The following TNIK variants were observed in gnomAD, a reference collection of about 807,000 sequenced individuals.
The protein encoded by TNIK is TRAF2 and NCK-interacting protein kinase.
Under a neutral mutation model 191.3 loss-of-function variants are expected in TNIK, and 49 were observed. The ratio of observed to expected loss-of-function variants is 0.26; its 90% CI spans 0.20 to 0.32. The LOEUF is 0.32. TNIK is among the 10% of genes least tolerant of loss of function. TNIK has a pLI of 1.00. For missense variants in TNIK, 1,155 were observed against 1,702.3 expected, an observed-to-expected ratio of 0.68 and a Z score of 5.66; for synonymous variants, 594 against 600.9, an observed-to-expected ratio of 0.99 and a Z score of 0.17.
chr3:171,084,383 G>A, intron 25 of TNIK, 58 bp from the exon 26 acceptor site: 1 of 1,553,420 alleles, frequency 6.4e-7, no homozygotes, highest in Non-Finnish European at 8.8e-7. Context: ...TTATGGAGAT[G>A]GGGCTTCAAA....
At chr3:171,185,613 T>G (rs1314182838) in intron 7 of TNIK, among the ~76,000 whole-genome samples, 3 of 152,116 alleles carry the variant, frequency 2.0e-5, no homozygotes, top group African/African-American at 7.2e-5. Flanking sequence ...CACTCCTCCT[T>G]AGGAGAGGGT....
Position 171,362,527 on chromosome 3 carries a change from C to T in TNIK, c.123+7093G>A, listed in dbSNP as rs1056993925. Among the ~76,000 whole-genome samples the T allele has an allele frequency of 8.5e-5, 13 of 152,286 alleles. No individual in the cohort carries two copies. In the East Asian group the frequency reaches 2.5e-3, roughly 29 times the overall value. ...GACATGTGTTTCTAACTTCATTCCT[C>T]TATGAATGTTTCTTTTAGGTCATAA... On this transcript the variant is annotated intron_variant, in intron 2 of 32. Coordinates refer to ENST00000436636, the MANE Select transcript of TNIK (RefSeq NM_015028.4).
intron 1 of TNIK, among the ~76,000 whole-genome samples, chr3:171,459,645 C>T (rs1276487602): frequency 1.3e-5 from 2 of 148,640 alleles, no homozygotes; most frequent in Non-Finnish European, 3.0e-5. Context: ...GGGTCTCGCG[C>T]CTTGGCACCA....
chr3:171,129,614 C>T (rs183667479), intron 15 of TNIK, among the ~76,000 whole-genome samples: 169 of 152,222 alleles, frequency 1.1e-3, no homozygotes, highest in South Asian at 6.4e-3. Context: ...GCTTCTCCTC[C>T]TTTCTCTTCC....
chr3:171,145,895 A>G (rs1436728871), intron 12 of TNIK, among the ~76,000 whole-genome samples: 1 of 152,116 alleles, frequency 6.6e-6, no homozygotes, highest in Non-Finnish European at 1.5e-5. Flanking sequence ...ATGAACTGCA[A>G]TGCCATAAAA....
In TNIK at chr3:171,180,016, G is replaced by A. The variant is rs73882630; in HGVS notation, c.640-2636C>T. ...ATAAGACACAAGTAAGAAGGTGGCAGCCAGGCTCTATGGCCCTAACTGCAA... is the reference window on the plus strand; with the variant it reads ...ATAAGACACAAGTAAGAAGGTGGCAACCAGGCTCTATGGCCCTAACTGCAA... On this transcript the variant is annotated intron_variant, in intron 7 of 32. Coordinates refer to ENST00000436636, the MANE Select transcript of TNIK (RefSeq NM_015028.4). 8.1e-3 allele frequency among the ~76,000 whole-genome samples: 1,230 copies of A among 152,274 alleles called. 29 individuals carry two copies. The highest frequency in any genetic ancestry group is 0.028 in the African/African-American group (1,172 of 41,542).
Position 171,108,052 on chromosome 3 carries a change from G to GA in TNIK, c.2382+12dup. On this transcript the variant is annotated intron_variant, in intron 20 of 32. Transcript: ENST00000436636. ...ATTAAGAGTTCAAAACTCTTGGAGA[G>GA]AAAAGCACTCACAGCTGGTCGACTG... 6.4e-7 allele frequency: 1 copy of GA among 1,555,498 alleles called. No homozygotes were observed. The highest frequency in any genetic ancestry group is 8.7e-7 in the Non-Finnish European group (1 of 1,148,820).
At chr3:171,178,921 C>T (rs1736300082) in intron 7 of TNIK, among the ~76,000 whole-genome samples, 1 of 152,092 alleles carries the variant, frequency 6.6e-6, no homozygotes, top group South Asian at 2.1e-4. Flanking sequence ...GAGTCACTCC[C>T]CAGAACTAAG....
At chr3:171,144,783 CT>C in intron 12 of TNIK, among the ~76,000 whole-genome samples, 1 of 152,340 alleles carries the variant, frequency 6.6e-6, no homozygotes, top group Non-Finnish European at 1.5e-5. Flanking sequence ...TGCCAATCCT[CT>C]GGTAACCACT....
At chr3:171,303,353 AT>A (rs1294345182) in intron 2 of TNIK, among the ~76,000 whole-genome samples, 1 of 152,198 alleles carries the variant, frequency 6.6e-6, no homozygotes, top group African/African-American at 2.4e-5. Flanking sequence ...CATTAGCATG[AT>A]TTCAATTAAT....
At chr3:171,306,420 C>T (rs1166115707) in intron 2 of TNIK, among the ~76,000 whole-genome samples, 3 of 152,066 alleles carry the variant, frequency 2.0e-5, no homozygotes, top group Admixed American at 6.6e-5. Context: ...GATATTCATT[C>T]GGGACTCTTT....
At chr3:171,356,641 G>C (rs755495891) in intron 2 of TNIK, among the ~76,000 whole-genome samples, 1 of 152,156 alleles carries the variant, frequency 6.6e-6, no homozygotes, top group African/African-American at 2.4e-5. Flanking sequence ...TTAAGGAGAT[G>C]TTATACACAA....
In TNIK at chr3:171,175,173, A is replaced by G. The variant is rs190011254; in HGVS notation, c.773+79T>C. ...TAGTCTCATTCTATCAGCAGGACCT[A>G]GGGATTAGAGCTAATCCAAAATAGA... On this transcript the variant is annotated intron_variant, in intron 9 of 32. Transcript: ENST00000436636. 2.2e-4 allele frequency: 295 copies of G among 1,317,618 alleles called. No homozygotes were observed. In the East Asian group the frequency reaches 6.5e-3, roughly 29 times the overall value. 81.6% of individuals were successfully genotyped at this position (1,317,618 alleles called of 1,614,324 possible). A position where few individuals can be genotyped will look rare whatever the true frequency, so the allele number is the denominator to read the frequency against.
intron 3 of TNIK, among the ~76,000 whole-genome samples, chr3:171,219,504 G>A (rs1742016353): frequency 6.6e-6 from 1 of 151,630 alleles, no homozygotes; most frequent in South Asian, 2.1e-4. Context: ...CCTGTCCCTG[G>A]CCTTGAAAGC....
At chr3:171,270,712 A>G (rs927300283) in intron 2 of TNIK, among the ~76,000 whole-genome samples, 1 of 152,098 alleles carries the variant, frequency 6.6e-6, no homozygotes, top group African/African-American at 2.4e-5. Context: ...TGTTAGCCAC[A>G]AAAAATAGGG....
chr3:171,084,016 A>G, intron 26 of TNIK, 139 bp downstream of exon 26: 1 of 1,151,254 alleles, frequency 8.7e-7, no homozygotes, highest in East Asian at 2.6e-5. Flanking sequence ...AGGTCAAGAT[A>G]GTCCCAAGTT....
At chr3:171,321,944 T>C (rs1280613811) in intron 2 of TNIK, among the ~76,000 whole-genome samples, 1 of 152,198 alleles carries the variant, frequency 6.6e-6, no homozygotes, top group Non-Finnish European at 1.5e-5. Flanking sequence ...AACACATTGG[T>C]ATCAGGGGAC....
At chr3:171,182,702 G>C (rs13098316) in intron 7 of TNIK, among the ~76,000 whole-genome samples, 49,189 of 152,070 alleles carry the variant, frequency 0.32, 8,551 homozygotes, top group Middle Eastern at 0.44. Flanking sequence ...AACTTGAACA[G>C]AACAAGAAAG....
chr3:171,094,948 A>G (rs1722527214), intron 22 of TNIK, among the ~76,000 whole-genome samples: 1 of 152,094 alleles, frequency 6.6e-6, no homozygotes, highest in Non-Finnish European at 1.5e-5. Context: ...GAGTTGTCAC[A>G]TACTAGGAAT....
Sources: allele counts gnomAD v4.1 joint callset (sites outside exome capture counted in the v4.1 genomes callset), GRCh38; gene constraint gnomAD v4.1.1; transcripts MANE v1.5; gene names NCBI Gene and HGNC (gene_info 2026-07-23, HGNC 2026-07-21).